Variants in STAB1 observed in about 807,000 individuals in gnomAD.
STAB1 encodes stabilin 1.
A neutral mutation model predicts 332.4 loss-of-function variants in STAB1; 250 were observed. The ratio of observed to expected loss-of-function variants is 0.75; its 90% CI spans 0.68 to 0.84. The LOEUF (loss-of-function observed/expected upper bound fraction) is 0.84, where lower values mean the gene tolerates loss of function less well. Among genes scored for constraint, STAB1 ranks in the 40% least tolerant of loss-of-function variants. The pLI is 0.00. For synonymous variants in STAB1, 1,475 were observed against 1,390.4 expected, an observed-to-expected ratio of 1.06 and a Z score of -1.35; for missense variants, 3,249 against 3,489.7, an observed-to-expected ratio of 0.93 and a Z score of 1.74.
rs1205487902 is a variant in STAB1, at chr3:52,521,610, G to A, written c.6073G>A (p.Val2025Met). ...CCTCTCCCCAGCCTGCCGCTGCACTGTGCATGGCCGCTGTGATGAGGGCCT... is the reference window on the plus strand; with the variant it reads ...CCTCTCCCCAGCCTGCCGCTGCACTATGCATGGCCGCTGTGATGAGGGCCT... ...GPHCQACRCT[V>M]HGRCDEGLGG... Residue 2025 changes from valine (V) to methionine (M), a missense_variant, in exon 57 of 69, where the codon GTG becomes ATG. Val to Met is a conservative substitution (Grantham distance 21). Transcript: ENST00000321725. 8.1e-6 allele frequency: 13 copies of A among 1,612,916 alleles called. No individual in the cohort carries two copies. Among genetic ancestry groups the A allele is most frequent in the Non-Finnish European group, 9.3e-6 (11 of 1,179,866 alleles).
chr3:52,497,014 TC>T (rs1387595994), intron 1 of STAB1, among the ~76,000 whole-genome samples: 5 of 152,230 alleles, frequency 3.3e-5, no homozygotes, highest in Non-Finnish European at 7.3e-5. Flanking sequence ...AGACTTTTTT[TC>T]TTTTGAGGTG....
chr3:52,495,745 G>A (rs538115947), intron 1 of STAB1, among the ~76,000 whole-genome samples: 13 of 152,348 alleles, frequency 8.5e-5, no homozygotes, highest in Non-Finnish European at 1.3e-4. Context: ...GCTCCCCAGC[G>A]TGCAGCTGAA....
In STAB1 at chr3:52,503,264, C is replaced by T. The variant is rs147972666; in HGVS notation, c.695-80C>T. 3,802 of 1,527,374 alleles carry T rather than the reference C, an allele frequency of 2.5e-3. 9 individuals are homozygous for T. Among genetic ancestry groups the T allele is most frequent in the Non-Finnish European group, 2.9e-3 (3,254 of 1,130,116 alleles). The allele number at this position is 1,527,374 out of a possible 1,614,324, so 94.6% of individuals were successfully genotyped here. The stretch of plus-strand genomic sequence containing the variant: ...AAGGCCTAGGTCAACCTGCTGGCCC[C>T]GGCCTTCCTGGTGAAAGCTGTGGCG... On this transcript the variant is annotated intron_variant, in intron 7 of 68. Coordinates refer to ENST00000321725, the MANE Select transcript of STAB1 (RefSeq NM_015136.3).
At chr3:52,510,603 T>A (rs1709228089) in intron 25 of STAB1, 96 bp downstream of exon 25, 2 of 1,467,864 alleles carry the variant, frequency 1.4e-6, no homozygotes, top group Non-Finnish European at 1.8e-6. Context: ...GTGCTCAGGG[T>A]CTGGAGCCTC....
chr3:52,520,091 C>T lies in STAB1; in HGVS notation c.5383C>T (p.Leu1795=), dbSNP rs528130810. 3 of 1,611,018 alleles carry T rather than the reference C, an allele frequency of 1.9e-6. No individual in the cohort carries two copies. Among genetic ancestry groups the T allele is most frequent in the African/African-American group, 2.7e-5 (2 of 74,926 alleles). ...EDHRDKLAAI[L]RGHMIRNVEA... ...CCACCGTGACAAGCTAGCAGCCATT[C>T]TGCGGGGCCACATGATTCGCAATGT... is the stretch of plus-strand genomic sequence containing the variant. The change falls in exon 51 of 69, where the codon CTG becomes TTG. Residue 1795 remains leucine, a synonymous_variant. Coordinates refer to ENST00000321725, the MANE Select transcript of STAB1 (RefSeq NM_015136.3).
At chr3:52,509,160 G>T (rs754715964) in intron 21 of STAB1, 50 bp from the exon 22 acceptor site, 1 of 1,542,134 alleles carries the variant, frequency 6.5e-7, no homozygotes, top group South Asian at 1.1e-5. Flanking sequence ...GAGAGGGGAT[G>T]TAGAGAGTCC....
rs1164790880 is a variant in STAB1 at position 52,513,217 on chromosome 3, C to T, written c.3246C>T (p.Arg1082=). 2 of 1,583,198 alleles carry T rather than the reference C, an allele frequency of 1.3e-6. No individual in the cohort carries two copies. The highest frequency in any genetic ancestry group is 1.7e-6 in the Non-Finnish European group (2 of 1,165,404). ...QEVATLNPTT[R]WEIRNISGRV... The stretch of plus-strand genomic sequence containing the variant: ...TGGCCACCCTGAACCCCACCACACG[C>T]TGGGAGATTCGCAACATTAGTGGGG... Residue 1082 remains arginine (R), a synonymous_variant, in exon 30 of 69, where the codon CGC becomes CGT. Transcript: ENST00000321725.
Position 52,503,885 on chromosome 3 carries a change from C to G in STAB1, c.1005C>G (p.Thr335=), listed in dbSNP as rs756576594. The change falls in exon 9 of 69, where the codon ACC becomes ACG. Residue 335 remains threonine, a synonymous_variant. Coordinates refer to ENST00000321725, the MANE Select transcript of STAB1 (RefSeq NM_015136.3). ...ACCGGTCTGCCACTTGCCAGGTGAC[C>G]GCTGATGGGAAGACCAGGTGAGCAC... ...SCDRSATCQV[T]ADGKTSCVCR... is the part of the protein sequence containing the mutation. 1.2e-6 allele frequency: 2 copies of G among 1,613,078 alleles called. No individual in the cohort carries two copies. Among genetic ancestry groups the G allele is most frequent in the African/African-American group, 1.3e-5 (1 of 74,922 alleles).
intron 1 of STAB1, among the ~76,000 whole-genome samples, chr3:52,499,031 C>T (rs1243443606): frequency 6.6e-6 from 1 of 152,236 alleles, no homozygotes; most frequent in Non-Finnish European, 1.5e-5. Flanking sequence ...GGCACCATTT[C>T]TCCTTTTCTC....
chr3:52,514,083 A>G, intron 32 of STAB1, 32 bp from the exon 33 acceptor site: 3 of 1,609,716 alleles, frequency 1.9e-6, no homozygotes, highest in Non-Finnish European at 2.5e-6. Context: ...GACAACTAAT[A>G]TGCCCATCCC....
In STAB1 at chr3:52,514,422, C is replaced by G. The variant is rs1311537162; in HGVS notation, c.3604C>G (p.Leu1202Val). The G allele has an allele frequency of 6.4e-7, 1 of 1,555,704 alleles. No individual in the cohort carries two copies. The highest frequency in any genetic ancestry group is 1.4e-5 in the African/African-American group (1 of 73,214). ...GGGGGAGGCCCTCTCCATGGAAACC[C>G]TGCGGAAGGGTGGACACCGCAACTC... ...VLGEALSMET[L>V]RKGGHRNSLL... The change falls in exon 34 of 69, where the codon CTG becomes GTG. Residue 1202 changes from leucine (L) to valine (V), a missense_variant. Leu to Val is a conservative substitution (Grantham distance 32, BLOSUM62 1). Transcript: ENST00000321725.
In STAB1 at chr3:52,516,539, C is replaced by T. The variant is rs764874927; in HGVS notation, c.4241-3C>T. ...TGACCAGAGTCATCCTCCTGCCCCC[C>T]AGAAATCACCAGCCCTCAGTGCCCT... is the stretch of plus-strand genomic sequence containing the variant. On this transcript the variant is annotated splice_region_variant and splice_polypyrimidine_tract_variant and intron_variant, in intron 39 of 68. Transcript: ENST00000321725. 1.2e-6 allele frequency: 2 copies of T among 1,613,158 alleles called. No individual in the cohort carries two copies. Among genetic ancestry groups the T allele is most frequent in the Admixed American group, 1.7e-5 (1 of 59,998 alleles).
At position 52,521,898 on chromosome 3, in the gene STAB1, G is replaced by T. The variant is rs752769603; in HGVS notation, c.6218G>T (p.Gly2073Val). The change falls in exon 58 of 69, where the codon GGC becomes GTC. Residue 2073 changes from glycine (G) to valine (V), a missense_variant. Transcript: ENST00000321725. ...PCAPEAVCRA[G>V]NSCECSLGYE... is the part of the protein sequence containing the mutation. ...GCACCCGAGGCTGTGTGCCGTGCAG[G>T]CAACAGCTGTGAGTGCAGCCTGGGC... 5 of 1,608,838 alleles carry T rather than the reference G, an allele frequency of 3.1e-6. No homozygotes were observed. The Admixed American group carries it at 5.0e-5, about 16-fold the overall frequency.
intron 36 of STAB1, 97 bp downstream of exon 36, chr3:52,515,142 GC>G: frequency 6.8e-7 from 1 of 1,469,610 alleles, no homozygotes. Context: ...GTTTTGCTTG[GC>G]CCAGGCATCC....
In STAB1 at chr3:52,516,101, TA is replaced by T. The variant is rs776643913; in HGVS notation, c.4008del (p.Val1339CysfsTer252). 75 of 1,611,958 alleles carry T rather than the reference TA, an allele frequency of 4.7e-5. No homozygotes were observed. Among genetic ancestry groups the T allele is most frequent in the Admixed American group, 1.0e-4 (6 of 59,854 alleles). On this transcript the variant is annotated frameshift_variant, in exon 38 of 69. Coordinates refer to ENST00000321725, the MANE Select transcript of STAB1 (RefSeq NM_015136.3). LOFTEE classifies it high-confidence loss of function. ...GTLCEPCPGG[L>X]GGVCSGHGQC... ...CTGTGTGAGCCATGCCCAGGGGGTC[TA>T]GGGGGGGTGTGCTCAGGCCATGGGC...
In STAB1 at chr3:52,516,726, G is replaced by T. The variant is rs752951837; in HGVS notation, c.4321G>T (p.Ala1441Ser). The change falls in exon 41 of 69, where the codon GCC becomes TCC. Residue 1441 changes from alanine (A) to serine (S), a missense_variant. Transcript: ENST00000321725. ...GGACTCGGCCGGAGCCTCCACCTGCGCCTGTGCTGCGGGATACTCCGGCAA... is the reference window on the plus strand; with the variant it reads ...GGACTCGGCCGGAGCCTCCACCTGCTCCTGTGCTGCGGGATACTCCGGCAA... ...VQDSAGASTC[A>S]CAAGYSGNGI... The T allele has an allele frequency of 5.0e-6, 8 of 1,611,722 alleles. No individual in the cohort carries two copies. The African/African-American group carries it at 9.3e-5, about 19-fold the overall frequency.
chr3:52,511,911 G>A (rs111941032), intron 26 of STAB1, among the ~76,000 whole-genome samples, 166 bp downstream of exon 26: 7 of 151,994 alleles, frequency 4.6e-5, no homozygotes, highest in Non-Finnish European at 8.8e-5. Context: ...CCCTTCACCC[G>A]CCCCTGCCCA....
intron 42 of STAB1, 49 bp downstream of exon 42, chr3:52,517,158 T>G: frequency 6.6e-7 from 1 of 1,514,120 alleles, no homozygotes; most frequent in Non-Finnish European, 8.8e-7. Flanking sequence ...GGGGTCTGGC[T>G]TCAGTGATCT....
At position 52,501,748 on chromosome 3, in the gene STAB1, G is replaced by A. The variant is rs372267037; in HGVS notation, c.326G>A (p.Cys109Tyr). Residue 109 changes from cysteine to tyrosine, a missense_variant, in exon 3 of 69, where the codon TGC (cysteine) becomes TAC (tyrosine). Transcript: ENST00000321725. ...TGCCCTGGCTACTGGGGTTCCCGGT[G>A]CCATGGTATGGGAGAAAGGGGGACC... ...ACCPGYWGSR[C>Y]HECPGGAETP... 1.3e-6 allele frequency: 2 copies of A among 1,559,388 alleles called. No individual in the cohort carries two copies. Among genetic ancestry groups the A allele is most frequent in the African/African-American group, 2.7e-5 (2 of 73,332 alleles).
Sources: gnomAD v4.1 joint callset for allele counts (sites outside exome capture counted in the v4.1 genomes callset) on GRCh38, gnomAD v4.1.1 for gene constraint, MANE v1.5 for transcripts, NCBI Gene and HGNC (gene_info 2026-07-23, HGNC 2026-07-21) for gene names.